Variants in ASB4 observed in about 807,000 individuals in gnomAD.
The protein encoded by ASB4 is ankyrin repeat and SOCS box containing 4, also known as ankyrin repeat and SOCS box protein 4.
In ASB4, 35 loss-of-function variants were observed where a neutral mutation model predicts 38.6. The observed-to-expected ratio is 0.91, with a 90% CI of 0.69 to 1.20. The LOEUF (loss-of-function observed/expected upper bound fraction) is 1.20. Among genes scored for constraint, ASB4 ranks in the 50% most tolerant of loss-of-function variants. The pLI is 0.00. For synonymous variants in ASB4, 195 were observed against 201.3 expected (o/e 0.97, Z 0.26); for missense variants, 557 against 527.2 (o/e 1.06, Z -0.55).
rs1286600750 is a variant in ASB4 at position 95,515,261 on chromosome 7, TTCTTTC to T, written c.488-12544_488-12539del. ...TTTCTTTCTTTCTTTCCTTCTTTCT[TTCTTTC>T]TCTTTCTTTCTTTCTTTCTTTCTTT... On this transcript the variant is annotated intron_variant, in intron 2 of 4. Transcript: ENST00000325885. 2.2e-3 allele frequency among the ~76,000 whole-genome samples: 292 copies of T among 133,574 alleles called. 2 individuals carry two copies. Among genetic ancestry groups the T allele is most frequent in the African/African-American group, 4.6e-3 (162 of 35,304 alleles). The allele number at this position is 133,574 out of a possible 152,430, so 87.6% of individuals were successfully genotyped here.
At chr7:95,525,327 A>C (rs554971275) in intron 2 of ASB4, among the ~76,000 whole-genome samples, 4 of 152,194 alleles carry the variant, frequency 2.6e-5, no homozygotes, top group Non-Finnish European at 4.4e-5. Context: ...AAACTAATAC[A>C]TTGTATTTTC....
intron 2 of ASB4, among the ~76,000 whole-genome samples, chr7:95,518,853 A>G (rs1217064115): frequency 6.6e-6 from 1 of 152,114 alleles, no homozygotes; most frequent in South Asian, 2.1e-4. Context: ...TTCAGGACAG[A>G]GATAAAAGGA....
intron 2 of ASB4, among the ~76,000 whole-genome samples, chr7:95,496,671 A>AC (rs1289907818): frequency 6.6e-6 from 1 of 151,716 alleles, no homozygotes; most frequent in Non-Finnish European, 1.5e-5. Flanking sequence ...ACATAGGGAG[A>AC]CCCCATCTCT....
intron 2 of ASB4, among the ~76,000 whole-genome samples, chr7:95,504,016 T>G (rs769255904): frequency 6.6e-6 from 1 of 152,186 alleles, no homozygotes; most frequent in Non-Finnish European, 1.5e-5. Flanking sequence ...AGTAAAATAA[T>G]GTTCATCAGT....
chr7:95,532,476 G>A (rs1489093000), intron 3 of ASB4, among the ~76,000 whole-genome samples: 2 of 152,134 alleles, frequency 1.3e-5, no homozygotes, highest in Non-Finnish European at 2.9e-5. Flanking sequence ...TGTAGGGCAA[G>A]AAAGACATTT....
At chr7:95,492,914 C>A (rs1412405966) in intron 1 of ASB4, among the ~76,000 whole-genome samples, 6 of 152,156 alleles carry the variant, frequency 3.9e-5, no homozygotes, top group Non-Finnish European at 8.8e-5. Context: ...TGACATACAG[C>A]TTAGGAACTC....
chr7:95,547,711 G>A, the ASB4 span, among the ~76,000 whole-genome samples: 1 of 152,164 alleles, frequency 6.6e-6, no homozygotes, highest in Non-Finnish European at 1.5e-5. Context: ...AAGTTAATAG[G>A]TTTTGAGTAA....
At chr7:95,533,624 G>A (rs1279646414) in intron 3 of ASB4, among the ~76,000 whole-genome samples, 1 of 152,106 alleles carries the variant, frequency 6.6e-6, no homozygotes, top group Non-Finnish European at 1.5e-5. Flanking sequence ...ACTCTGACAT[G>A]TCTGGTGTTT....
intron 2 of ASB4, among the ~76,000 whole-genome samples, chr7:95,514,518 T>G (rs1393342054): frequency 6.6e-6 from 1 of 151,946 alleles, no homozygotes; most frequent in East Asian, 1.9e-4. Context: ...CCTCCAAGAG[T>G]TAGAGGAAGA....
At chr7:95,533,811 AT>A (rs1159453570) in intron 3 of ASB4, among the ~76,000 whole-genome samples, 3 of 152,338 alleles carry the variant, frequency 2.0e-5, no homozygotes, top group Middle Eastern at 3.4e-3. Flanking sequence ...GTATATGAAG[AT>A]TTAACACAGT....
chr7:95,513,454 T>C (rs1335576123), intron 2 of ASB4, among the ~76,000 whole-genome samples: 1 of 151,958 alleles, frequency 6.6e-6, no homozygotes, highest in Non-Finnish European at 1.5e-5. Context: ...TACAGTCTGT[T>C]GCCAGAGCCC....
chr7:95,486,221 C>A, intron 1 of ASB4, 63 bp downstream of exon 1: 1 of 1,277,772 alleles, frequency 7.8e-7, no homozygotes, highest in Non-Finnish European at 1.1e-6. Context: ...TGCACAGTGT[C>A]AGTTATCCAC....
chr7:95,484,097 G>T (rs1205310481), upstream of ASB4, among the ~76,000 whole-genome samples: 1 of 151,910 alleles, frequency 6.6e-6, no homozygotes, highest in East Asian at 1.9e-4. Context: ...GATGGCTGAG[G>T]CAGGAGGTTC....
At chr7:95,532,802 CA>C (rs1244513159) in intron 3 of ASB4, among the ~76,000 whole-genome samples, 1 of 152,148 alleles carries the variant, frequency 6.6e-6, no homozygotes, top group Non-Finnish European at 1.5e-5. Flanking sequence ...GTAGTCACCA[CA>C]GTAGAAATAA....
chr7:95,520,280 T>C (rs1790642951), intron 2 of ASB4, among the ~76,000 whole-genome samples: 1 of 152,212 alleles, frequency 6.6e-6, no homozygotes, highest in Non-Finnish European at 1.5e-5. Context: ...AAATATACCA[T>C]TAACAGCTGT....
chr7:95,504,472 C>T (rs1270350559), intron 2 of ASB4, among the ~76,000 whole-genome samples: 3 of 152,112 alleles, frequency 2.0e-5, no homozygotes, highest in Admixed American at 1.3e-4. Flanking sequence ...ACCACCTCAC[C>T]GCGTTCCATC....
At chr7:95,476,380 A>G (rs963955642), upstream of ASB4, among the ~76,000 whole-genome samples, 12 of 152,308 alleles carry the variant, frequency 7.9e-5, no homozygotes, top group Non-Finnish European at 8.8e-5. Context: ...CAGGTGACTG[A>G]CATTCTTTTT....
At chr7:95,495,622 A>T in intron 1 of ASB4, 136 bp from the exon 2 acceptor site, 1 of 807,278 alleles carries the variant, frequency 1.2e-6, no homozygotes, top group Non-Finnish European at 1.9e-6. Context: ...TTAGTTTAAA[A>T]CCTCTGTCAT....
chr7:95,512,775 A>G lies in ASB4; in HGVS notation c.488-15038A>G, dbSNP rs536043442. Among the ~76,000 whole-genome samples, 3 of 152,244 alleles carry G rather than the reference A, an allele frequency of 2.0e-5. No individual in the cohort carries two copies. The South Asian group carries it at 6.2e-4, about 32-fold the overall frequency. On this transcript the variant is annotated intron_variant, in intron 2 of 4. Transcript: ENST00000325885. Reference sequence around the variant, plus strand: ...GGAACTCACATTTGGTGCAGCAAGAACTCCATTTAGCCCTGTGTACGTCAG... The same window carrying G: ...GGAACTCACATTTGGTGCAGCAAGAGCTCCATTTAGCCCTGTGTACGTCAG...
Sources: allele counts gnomAD v4.1 joint callset (sites outside exome capture counted in the v4.1 genomes callset), GRCh38; gene constraint gnomAD v4.1.1; transcripts MANE v1.5; gene names NCBI Gene and HGNC (gene_info 2026-07-23, HGNC 2026-07-21).